GPR158: variants seen among roughly 807,000 people sequenced by gnomAD.
The protein encoded by GPR158 is G protein-coupled receptor 158.
Under a neutral mutation model 78.2 loss-of-function variants are expected in GPR158, and 30 were observed. The ratio of observed to expected loss-of-function variants is 0.38; its 90% confidence interval spans 0.29 to 0.52. The LOEUF (loss-of-function observed/expected upper bound fraction) is 0.52. Among genes scored for constraint, GPR158 ranks in the 20% least tolerant of loss-of-function variants. GPR158 has a pLI of 0.83. For missense variants in GPR158, 1,463 were observed against 1,523.5 expected (o/e 0.96, Z 0.66); for synonymous variants, 581 against 591.1 (o/e 0.98, Z 0.25).
chr10:25,519,366 C>A (rs1836226670), intron 5 of GPR158, among the ~76,000 whole-genome samples: 1 of 138,762 alleles, frequency 7.2e-6, no homozygotes, highest in South Asian at 2.3e-4. Context: ...GAATTTAGTC[C>A]ATTTACATTT....
At chr10:25,423,749 G>A (rs919384658) in intron 4 of GPR158, among the ~76,000 whole-genome samples, 17 of 152,144 alleles carry the variant, frequency 1.1e-4, no homozygotes, top group Non-Finnish European at 2.9e-5. Context: ...ATTCCATGGT[G>A]TATATGTGCC....
Position 25,437,988 on chromosome 10 carries a change from T to G in GPR158, c.1335+25515T>G, listed in dbSNP as rs541722237. 2.0e-5 allele frequency among the ~76,000 whole-genome samples: 3 copies of G among 152,296 alleles called. No individual in the cohort carries two copies. In the East Asian group the frequency reaches 5.8e-4, roughly 29 times the overall value. On this transcript the variant is annotated intron_variant, in intron 4 of 10. Coordinates refer to ENST00000376351, the MANE Select transcript of GPR158 (RefSeq NM_020752.3). ...GAATAATCAATGCAGCAGGGAACCA[T>G]GTGTAACAGACGGGAATAGGGTCCT... is the stretch of plus-strand genomic sequence containing the variant.
chr10:25,437,905 T>G (rs1328292343), intron 4 of GPR158, among the ~76,000 whole-genome samples: 2 of 152,186 alleles, frequency 1.3e-5, no homozygotes, highest in South Asian at 2.1e-4. Context: ...GATGGGAGCT[T>G]ATTTATAAAT....
At chr10:25,423,069 CTG>C (rs922565672) in intron 4 of GPR158, among the ~76,000 whole-genome samples, 23 of 149,406 alleles carry the variant, frequency 1.5e-4, no homozygotes, top group African/African-American at 5.0e-4. Flanking sequence ...CACGGTATGT[CTG>C]TGTGTATATA....
In GPR158 at chr10:25,379,699, CTGAT is replaced by C. The variant is rs1274841208; in HGVS notation, c.1009-16210_1009-16207del. Among the ~76,000 whole-genome samples, 4 of 86,966 alleles carry C rather than the reference CTGAT, an allele frequency of 4.6e-5. No individual in the cohort carries two copies. The East Asian group carries it at 1.2e-3, about 26-fold the overall frequency. 57.1% of individuals were successfully genotyped at this position (86,966 alleles called of 152,430 possible). On this transcript the variant is annotated intron_variant, in intron 2 of 10. Coordinates refer to ENST00000376351, the MANE Select transcript of GPR158 (RefSeq NM_020752.3). ...CCCTTCTCTCTGAGATTTTGTCTTC[CTGAT>C]TATTTTTCTAGCCCCAAACTTGATT...
At chr10:25,489,426 G>A (rs1440351849) in intron 5 of GPR158, among the ~76,000 whole-genome samples, 1 of 152,128 alleles carries the variant, frequency 6.6e-6, no homozygotes, top group Non-Finnish European at 1.5e-5. Context: ...ATGAATGGCT[G>A]ATGTGAATTT....
intron 1 of GPR158, among the ~76,000 whole-genome samples, chr10:25,211,472 A>G (rs772596318): frequency 8.5e-5 from 13 of 152,104 alleles, no homozygotes; most frequent in Non-Finnish European, 1.8e-4. Flanking sequence ...GGAAAAAGGG[A>G]TGGGGGGAGC....
At chr10:25,298,815 GT>G (rs1854552399) in intron 2 of GPR158, among the ~76,000 whole-genome samples, 1 of 152,092 alleles carries the variant, frequency 6.6e-6, no homozygotes, top group South Asian at 2.1e-4. Context: ...GCTTTAGTTT[GT>G]TTTTATTTCT....
intron 5 of GPR158, among the ~76,000 whole-genome samples, chr10:25,517,126 T>G (rs1836188152): frequency 6.8e-6 from 1 of 147,484 alleles, no homozygotes; most frequent in South Asian, 2.1e-4. Context: ...TTATTCTCTT[T>G]GAAGCAATTG....
At chr10:25,438,999 C>G (rs1835033712) in intron 4 of GPR158, among the ~76,000 whole-genome samples, 1 of 152,156 alleles carries the variant, frequency 6.6e-6, no homozygotes, top group Non-Finnish European at 1.5e-5. Flanking sequence ...CATGTTGCCT[C>G]TGGCTGATTT....
intron 4 of GPR158, among the ~76,000 whole-genome samples, chr10:25,433,690 C>CTTTTTTTTTTTTTTTTTTTTTT (rs776105443): frequency 2.1e-5 from 2 of 93,260 alleles, no homozygotes; most frequent in African/African-American, 3.7e-5. Flanking sequence ...TTCTTTCTTT[C>CTTTTTTTTTTTTTTTTTTTTTT]TTTCTTTTTT....
At chr10:25,272,779 C>T (rs530578982) in intron 2 of GPR158, among the ~76,000 whole-genome samples, 2 of 152,170 alleles carry the variant, frequency 1.3e-5, no homozygotes, top group Non-Finnish European at 2.9e-5. Context: ...ACGTTGGCTG[C>T]TTTTGTGAGG....
intron 4 of GPR158, among the ~76,000 whole-genome samples, chr10:25,450,084 C>G (rs1835193653): frequency 1.3e-5 from 2 of 151,588 alleles, no homozygotes; most frequent in African/African-American, 4.8e-5. Flanking sequence ...AAACAAAAAA[C>G]TAAAACCACC....
chr10:25,199,984 A>G (rs1277578933), intron 1 of GPR158, among the ~76,000 whole-genome samples: 1 of 152,152 alleles, frequency 6.6e-6, no homozygotes, highest in Non-Finnish European at 1.5e-5. Flanking sequence ...ATATGTATGC[A>G]TGTGTCTTTA....
chr10:25,383,943 T>C (rs1163584383), intron 2 of GPR158, among the ~76,000 whole-genome samples: 1 of 152,234 alleles, frequency 6.6e-6, no homozygotes, highest in Non-Finnish European at 1.5e-5. Context: ...GCAAGTTACT[T>C]TAGCAGTTTG....
At chr10:25,594,915 G>A (rs547685845) in intron 9 of GPR158, among the ~76,000 whole-genome samples, 8 of 152,258 alleles carry the variant, frequency 5.3e-5, no homozygotes, top group South Asian at 2.1e-4. Context: ...TTCTAGACTC[G>A]TGGACCTTCC....
At chr10:25,254,433 A>G (rs1304987414) in intron 2 of GPR158, among the ~76,000 whole-genome samples, 1 of 152,126 alleles carries the variant, frequency 6.6e-6, no homozygotes, top group African/African-American at 2.4e-5. Context: ...TTAAATATTA[A>G]TTTCTCTGAA....
intron 4 of GPR158, among the ~76,000 whole-genome samples, chr10:25,465,911 G>T (rs1835415229): frequency 6.6e-6 from 1 of 152,146 alleles, no homozygotes; most frequent in Admixed American, 6.5e-5. Flanking sequence ...GGTCAATAGG[G>T]ACTTCCTTAA....
rs544057446 is a variant in GPR158 at position 25,490,986 on chromosome 10, G to A, written c.1404+24267G>A. Among the ~76,000 whole-genome samples the A allele has an allele frequency of 6.6e-5, 10 of 151,856 alleles. No individual in the cohort carries two copies. The East Asian group carries it at 1.7e-3, about 26-fold the overall frequency. ...TTAAGGATGTTTATAGTGAAAATTTGTGTTGGGGGGGTCCTAATATTCATT... is the reference window on the plus strand; with the variant it reads ...TTAAGGATGTTTATAGTGAAAATTTATGTTGGGGGGGTCCTAATATTCATT... On this transcript the variant is annotated intron_variant, in intron 5 of 10. Transcript: ENST00000376351.
Sources: allele counts gnomAD v4.1 joint callset (sites outside exome capture counted in the v4.1 genomes callset), GRCh38; gene constraint gnomAD v4.1.1; transcripts MANE v1.5; gene names NCBI Gene and HGNC (gene_info 2026-07-23, HGNC 2026-07-21).